Variants in BAZ1A observed in about 807,000 individuals in gnomAD.
BAZ1A encodes bromodomain adjacent to zinc finger domain protein 1A.
A neutral mutation model predicts 185.2 loss-of-function variants in BAZ1A; 50 were observed. The ratio of observed to expected loss-of-function variants is 0.27; its 90% CI spans 0.22 to 0.34. The LOEUF is 0.34. Among genes scored for constraint, BAZ1A ranks in the 10% least tolerant of loss-of-function variants. The pLI is 1.00. For synonymous variants in BAZ1A, 571 were observed against 615.6 expected, an observed-to-expected ratio of 0.93 and a Z score of 1.07; for missense variants, 1,356 against 1,839.9, an observed-to-expected ratio of 0.74 and a Z score of 4.81.
rs1024437587 is a variant in BAZ1A at position 34,786,073 on chromosome 14, T to C, written c.1606+53A>G. On this transcript the variant is annotated intron_variant, in intron 13 of 26. Transcript: ENST00000360310. ...ATACTCAGCAATGTAAATGTGCCTT[T>C]ATAAAATTAAAAATAAAAAGCCAAA... The C allele has an allele frequency of 7.0e-6, 11 of 1,565,702 alleles. No homozygotes were observed. The African/African-American group carries it at 1.5e-4, about 22-fold the overall frequency.
rs1002298822 is a variant in BAZ1A, at chr14:34,761,966, G to T, written c.4034C>A (p.Ala1345Glu). Reference protein sequence around the residue: ...STRHSHGPLQADVFVELLSPR... With the variant: ...STRHSHGPLQEDVFVELLSPR... ...ACTAAGCAATTCCACAAATACATCTGCTTGCAGTGGGCCATGACTGTGGCG... is the reference window on the plus strand; with the variant it reads ...ACTAAGCAATTCCACAAATACATCTTCTTGCAGTGGGCCATGACTGTGGCG... Residue 1345 changes from alanine to glutamate, a missense_variant, in exon 24 of 27, where the codon GCA becomes GAA. Transcript: ENST00000360310. 1.2e-6 allele frequency: 2 copies of T among 1,614,194 alleles called. No individual in the cohort carries two copies. The highest frequency in any genetic ancestry group is 1.1e-5 in the South Asian group (1 of 91,082).
chr14:34,825,835 G>T (rs2042158518), intron 4 of BAZ1A, among the ~76,000 whole-genome samples, 178 bp downstream of exon 4: 1 of 152,104 alleles, frequency 6.6e-6, no homozygotes, highest in Non-Finnish European at 1.5e-5. Flanking sequence ...CTACTCAGGA[G>T]GCTGAGGCAG....
At chr14:34,758,946 A>G in intron 24 of BAZ1A, 100 bp from the exon 25 acceptor site, 2 of 1,215,166 alleles carry the variant, frequency 1.6e-6, no homozygotes, top group South Asian at 1.5e-5. Flanking sequence ...AACAGAAAAT[A>G]GACACTCCGT....
intron 2 of BAZ1A, among the ~76,000 whole-genome samples, chr14:34,873,862 G>C (rs1004750123): frequency 6.6e-6 from 1 of 152,182 alleles, no homozygotes; most frequent in East Asian, 1.9e-4. Context: ...GGGAGGCCGC[G>C]GACGGAGGCT....
chr14:34,766,614 G>A (rs905979502), intron 21 of BAZ1A, among the ~76,000 whole-genome samples: 5 of 152,144 alleles, frequency 3.3e-5, no homozygotes, highest in African/African-American at 9.7e-5. Flanking sequence ...AGACTTCGGC[G>A]TTGGTTAGAA....
At position 34,810,994 on chromosome 14, in the gene BAZ1A, T is replaced by C; in HGVS notation, c.579A>G (p.Lys193=). The C allele has an allele frequency of 6.2e-7, 1 of 1,610,040 alleles. No homozygotes were observed. Among genetic ancestry groups the C allele is most frequent in the Non-Finnish European group, 8.5e-7 (1 of 1,177,478 alleles). ...GTAATTCTTTTTTAGTGGGTTGCAC[T>C]TTATACTTGAATAGTAAGGGATCAA... ...DAIDPLLFKY[K]VQPTKKELHE... Residue 193 remains lysine (K), a synonymous_variant, in exon 5 of 27, where the codon AAA becomes AAG. Transcript: ENST00000360310.
chr14:34,778,500 G>A (rs1440247332), intron 17 of BAZ1A, among the ~76,000 whole-genome samples: 2 of 152,132 alleles, frequency 1.3e-5, no homozygotes, highest in East Asian at 1.9e-4. Flanking sequence ...AAAAAATTTG[G>A]CAGAATTCAC....
chr14:34,834,887 A>T (rs1171733493), intron 3 of BAZ1A, among the ~76,000 whole-genome samples: 1 of 152,204 alleles, frequency 6.6e-6, no homozygotes, highest in Non-Finnish European at 1.5e-5. Flanking sequence ...TATTTGAATT[A>T]AAGTTATGCT....
intron 21 of BAZ1A, among the ~76,000 whole-genome samples, chr14:34,767,207 T>G (rs1204316978): frequency 6.6e-6 from 1 of 152,174 alleles, no homozygotes; most frequent in African/African-American, 2.4e-5. Flanking sequence ...ATACAGTCTT[T>G]TCTTCTATTT....
chr14:34,851,913 G>A (rs570697510), intron 3 of BAZ1A, among the ~76,000 whole-genome samples: 85 of 151,588 alleles, frequency 5.6e-4, no homozygotes, highest in Middle Eastern at 6.8e-3. Flanking sequence ...GGATCACGAG[G>A]TCAGGAGATC....
intron 3 of BAZ1A, among the ~76,000 whole-genome samples, chr14:34,828,293 CAAAAAAA>C (rs369878009): frequency 2.4e-5 from 2 of 83,558 alleles, no homozygotes; most frequent in African/African-American, 9.8e-5. Flanking sequence ...AACTCCGTCT[CAAAAAAA>C]AAAAAAAAAA....
chr14:34,802,629 T>C (rs911580266), intron 7 of BAZ1A, among the ~76,000 whole-genome samples: 1 of 152,256 alleles, frequency 6.6e-6, no homozygotes, highest in Admixed American at 6.5e-5. Flanking sequence ...CACTTTGGTA[T>C]AGAATCCTTG....
chr14:34,786,064 A>G, intron 13 of BAZ1A, 62 bp downstream of exon 13: 1 of 1,567,944 alleles, frequency 6.4e-7, no homozygotes, highest in South Asian at 1.2e-5. Context: ...AGCAATGTAA[A>G]TGTGCCTTTA....
chr14:34,858,434 T>C (rs1054043090), intron 3 of BAZ1A, among the ~76,000 whole-genome samples: 41 of 152,264 alleles, frequency 2.7e-4, no homozygotes, highest in African/African-American at 9.1e-4. Flanking sequence ...TACTCCCTTG[T>C]CAATAGTGCT....
intron 3 of BAZ1A, among the ~76,000 whole-genome samples, chr14:34,833,227 AAAC>A (rs2042277652): frequency 2.0e-5 from 3 of 151,174 alleles, no homozygotes; most frequent in Admixed American, 1.3e-4. Context: ...AAAAACAAAC[AAAC>A]AAAAAACCCC....
At chr14:34,851,418 T>C (rs905908086) in intron 3 of BAZ1A, among the ~76,000 whole-genome samples, 3 of 151,756 alleles carry the variant, frequency 2.0e-5, no homozygotes, top group African/African-American at 7.3e-5. Context: ...AAATTTATGA[T>C]TATAGTTTGA....
intron 3 of BAZ1A, among the ~76,000 whole-genome samples, chr14:34,859,946 T>A (rs2042742210): frequency 6.6e-6 from 1 of 152,192 alleles, no homozygotes; most frequent in Non-Finnish European, 1.5e-5. Context: ...ATGGTACTTA[T>A]AATCTAAGTG....
In BAZ1A at chr14:34,776,177, T is replaced by A; in HGVS notation, c.2575A>T (p.Thr859Ser). ...GATTCAGACATCAAAGGCTCTCCAG[T>A]TTTAGTGGATACCTGAGGATCTTGA... ...QSQDPQVSTK[T>S]GEPLMSESTS... is the part of the protein sequence containing the mutation. Residue 859 changes from threonine (T) to serine (S), a missense_variant, in exon 18 of 27, where the codon ACT becomes TCT. By Grantham distance (58) the Thr-to-Ser change is moderately conservative. Coordinates refer to ENST00000360310, the MANE Select transcript of BAZ1A (RefSeq NM_013448.3). The A allele has an allele frequency of 6.2e-7, 1 of 1,614,162 alleles. No homozygotes were observed. Among genetic ancestry groups the A allele is most frequent in the Non-Finnish European group, 8.5e-7 (1 of 1,180,030 alleles).
chr14:34,764,320 TC>T (rs1446261126), intron 23 of BAZ1A, among the ~76,000 whole-genome samples: 122 of 139,508 alleles, frequency 8.7e-4, no homozygotes, highest in Non-Finnish European at 1.3e-3. Flanking sequence ...AGATGGAGTC[TC>T]GCTCTTGTCA....
Sources: allele counts gnomAD v4.1 joint callset (sites outside exome capture counted in the v4.1 genomes callset), GRCh38; gene constraint gnomAD v4.1.1; transcripts MANE v1.5; gene names NCBI Gene and HGNC (gene_info 2026-07-23, HGNC 2026-07-21).